Variants in DMAC2L observed in about 807,000 individuals in gnomAD.
DMAC2L encodes distal membrane arm assembly component 2 like, also known as ATP synthase subunit s, mitochondrial.
A neutral mutation model predicts 22.5 loss-of-function variants in DMAC2L; 21 were observed. The observed-to-expected ratio is 0.93, with a 90% confidence interval of 0.66 to 1.34. The LOEUF (loss-of-function observed/expected upper bound fraction) is 1.34. Among genes scored for constraint, DMAC2L ranks in the 40% most tolerant of loss-of-function variants. The pLI is 0.00. For synonymous variants in DMAC2L, 86 were observed against 89.5 expected (o/e 0.96, Z 0.22); for missense variants, 239 against 246.5 (o/e 0.97, Z 0.20).
rs2032758198 is a variant in DMAC2L, at chr14:50,327,600, G to C, written c.*1877G>C. On this transcript the variant is annotated 3_prime_UTR_variant, in exon 6 of 6. Coordinates refer to ENST00000557421, the MANE Select transcript of DMAC2L (RefSeq NM_001382507.1). ...CTGTCGCAGCGTCCCAGGTAGCTGG[G>C]ATTACAGGCGCCCACCACCACGCCC... 1 of 151,476 alleles carries C rather than the reference G, an allele frequency of 6.6e-6. No individual in the cohort carries two copies. Among genetic ancestry groups the C allele is most frequent in the African/African-American group, 2.4e-5 (1 of 41,174 alleles). 9.4% of individuals were successfully genotyped at this position (151,476 alleles called of 1,614,324 possible). A position where few individuals can be genotyped will look rare whatever the true frequency, so the allele number is the denominator to read the frequency against.
chr14:50,317,360 C>T (rs1050536794), intron 2 of DMAC2L, among the ~76,000 whole-genome samples: 3 of 152,174 alleles, frequency 2.0e-5, no homozygotes, highest in African/African-American at 7.2e-5. Flanking sequence ...GGCATACAAT[C>T]ATATCATTAG....
chr14:50,315,570 G>A (rs2031709321), intron 2 of DMAC2L, among the ~76,000 whole-genome samples: 1 of 150,948 alleles, frequency 6.6e-6, no homozygotes, highest in African/African-American at 2.4e-5. Flanking sequence ...GCTGAGGCAG[G>A]GGAATCACTT....
chr14:50,324,181 T>C lies in DMAC2L; in HGVS notation c.488+65T>C, dbSNP rs1302962721. On this transcript the variant is annotated intron_variant, in intron 5 of 5. Transcript: ENST00000557421. ...TTAAGGTGAATAGTTAGAATTTAAT[T>C]GACTGTGAGGGGTGGTGTCTTTTTT... 6 of 1,475,248 alleles carry C rather than the reference T, an allele frequency of 4.1e-6. No individual in the cohort carries two copies. The East Asian group carries it at 1.4e-4, about 35-fold the overall frequency. The allele number at this position is 1,475,248 out of a possible 1,614,324, so 91.4% of individuals were successfully genotyped here. A position where few individuals can be genotyped will look rare whatever the true frequency, so the allele number is the denominator to read the frequency against.
Position 50,322,682 on chromosome 14 carries a change from C to G in DMAC2L, c.279C>G (p.Thr93=). The change falls in exon 4 of 6, where the codon ACC becomes ACG. Residue 93 remains threonine (T), a synonymous_variant. Transcript: ENST00000557421. ...ACAAGATTCAGGCGATCGACGCCAC[C>G]GACTCTTGTATCATGAGCATTGGAT... ...DKYKIQAIDA[T]DSCIMSIGFD... is the part of the protein sequence containing the mutation. 6.2e-7 allele frequency: 1 copy of G among 1,614,102 alleles called. No individual in the cohort carries two copies. Among genetic ancestry groups the G allele is most frequent in the South Asian group, 1.1e-5 (1 of 91,070 alleles).
At chr14:50,323,390 CTT>C (rs10609243) in intron 4 of DMAC2L, among the ~76,000 whole-genome samples, 1,499 of 93,246 alleles carry the variant, frequency 0.016, 26 homozygotes, top group East Asian at 0.11. Context: ...CACCCGGCCT[CTT>C]TTTTTTTTTT....
chr14:50,321,356 T>C (rs2032254287), intron 2 of DMAC2L, 127 bp from the exon 3 acceptor site: 1 of 1,395,452 alleles, frequency 7.2e-7, no homozygotes, highest in South Asian at 1.7e-5. Context: ...AGTGACTTGC[T>C]CAGTAATTGT....
chr14:50,320,474 G>A (rs2032176529), intron 2 of DMAC2L, among the ~76,000 whole-genome samples: 1 of 152,136 alleles, frequency 6.6e-6, no homozygotes, highest in Non-Finnish European at 1.5e-5. Context: ...ACCTGACTGT[G>A]CAAGTTGCCT....
At chr14:50,320,838 C>T (rs984011778) in intron 2 of DMAC2L, among the ~76,000 whole-genome samples, 1 of 152,194 alleles carries the variant, frequency 6.6e-6, no homozygotes, top group African/African-American at 2.4e-5. Flanking sequence ...AAATCGAAAC[C>T]TACTCCAGGA....
intron 1 of DMAC2L, among the ~76,000 whole-genome samples, chr14:50,313,498 T>C (rs1257603899): frequency 6.6e-6 from 1 of 152,240 alleles, no homozygotes; most frequent in South Asian, 2.1e-4. Context: ...AGAACAGTGG[T>C]ACATAGTTTG....
intron 4 of DMAC2L, among the ~76,000 whole-genome samples, chr14:50,323,324 C>G (rs552384656): frequency 6.6e-6 from 1 of 151,220 alleles, no homozygotes; most frequent in South Asian, 2.1e-4. Context: ...CTCCTGACCT[C>G]ATGATCCGCC....
At position 50,325,688 on chromosome 14, in the gene DMAC2L, C is replaced by T; in HGVS notation, c.568C>T (p.Leu190=). The change falls in exon 6 of 6, where the codon CTG becomes TTG. Residue 190 remains leucine (L), a synonymous_variant. Transcript: ENST00000557421. ...ENLVQAFKTA[L]PSLELKLQLK ...TCTTGTCCAAGCCTTTAAGACAGCA[C>T]TGCCTTCTCTGGAACTAAAATTACA... 2 of 1,612,588 alleles carry T rather than the reference C, an allele frequency of 1.2e-6. No homozygotes were observed. The highest frequency in any genetic ancestry group is 1.7e-6 in the Non-Finnish European group (2 of 1,179,384).
At chr14:50,312,564 G>A (rs971245317) in intron 1 of DMAC2L, 175 bp downstream of exon 1, 1 of 292,326 alleles carries the variant, frequency 3.4e-6, no homozygotes, top group African/African-American at 2.3e-5. Context: ...CGGGATTACG[G>A]TGAAAATTCT....
chr14:50,312,630 G>GCCCCCGC, intron 1 of DMAC2L: 2 of 232,758 alleles, frequency 8.6e-6, no homozygotes, highest in Non-Finnish European at 1.7e-5. Context: ...CCCCGCCCCC[G>GCCCCCGC]CCCCGCCCCC....
chr14:50,320,653 T>C (rs1457543926), intron 2 of DMAC2L, among the ~76,000 whole-genome samples: 1 of 152,236 alleles, frequency 6.6e-6, no homozygotes, highest in Non-Finnish European at 1.5e-5. Context: ...CTGTCACTTA[T>C]TTTAACTACT....
chr14:50,327,709 C>T lies in DMAC2L; in HGVS notation c.*1986C>T, dbSNP rs964411244. The T allele has an allele frequency of 1.3e-5, 2 of 152,046 alleles. No homozygotes were observed. Among genetic ancestry groups the T allele is most frequent in the African/African-American group, 4.8e-5 (2 of 41,404 alleles). The allele number at this position is 152,046 out of a possible 1,614,324, so 9.4% of individuals were successfully genotyped here. A position where few individuals can be genotyped will look rare whatever the true frequency, so the allele number is the denominator to read the frequency against. ...TGAACTCCTAACCTCAGGATCCACC[C>T]GCCTCGGCCTCCCAAAGTGCTGGGA... On this transcript the variant is annotated 3_prime_UTR_variant, in exon 6 of 6. Transcript: ENST00000557421.
In DMAC2L at chr14:50,322,943, A is replaced by T. The variant is rs923866635; in HGVS notation, c.316+224A>T. 2.9e-6 allele frequency: 4 copies of T among 1,400,822 alleles called. No individual in the cohort carries two copies. In the African/African-American group the frequency reaches 5.8e-5, roughly 20 times the overall value. 86.8% of individuals were successfully genotyped at this position (1,400,822 alleles called of 1,614,324 possible). A position where few individuals can be genotyped will look rare whatever the true frequency, so the allele number is the denominator to read the frequency against. ...ACTAAGCTTGTTTCTGTATGTCTCT[A>T]GTCTTTGGTTTATTGACTTAAAATC... On this transcript the variant is annotated intron_variant, in intron 4 of 5. Transcript: ENST00000557421.
Position 50,325,887 on chromosome 14 carries a change from A to C in DMAC2L, c.*164A>C. On this transcript the variant is annotated 3_prime_UTR_variant, in exon 6 of 6. Transcript: ENST00000557421. ...GAAAATAAATATTCAGACGTGGCTC[A>C]TTAATGTTACTAAGTTGGAAGTGAG... The C allele has an allele frequency of 7.8e-7, 1 of 1,281,336 alleles. No homozygotes were observed. The highest frequency in any genetic ancestry group is 9.9e-7 in the Non-Finnish European group (1 of 1,011,164). The allele number at this position is 1,281,336 out of a possible 1,614,324, so 79.4% of individuals were successfully genotyped here.
chr14:50,318,982 A>T, intron 2 of DMAC2L: 1 of 976,590 alleles, frequency 1.0e-6, no homozygotes. Context: ...TTGCCTTTGC[A>T]CTAAGTATAG....
chr14:50,324,857 C>G (rs2032588010), intron 5 of DMAC2L, among the ~76,000 whole-genome samples: 1 of 152,166 alleles, frequency 6.6e-6, no homozygotes, highest in South Asian at 2.1e-4. Context: ...CTCACTACAA[C>G]TTCCGCTTCC....
Sources: allele counts gnomAD v4.1 joint callset (sites outside exome capture counted in the v4.1 genomes callset), GRCh38; gene constraint gnomAD v4.1.1; transcripts MANE v1.5; gene names NCBI Gene and HGNC (gene_info 2026-07-23, HGNC 2026-07-21).